The following TSPAN9 variants were observed in gnomAD, a reference collection of about 807,000 sequenced individuals.
The protein encoded by TSPAN9 is tetraspanin 9.
Under a neutral mutation model 31.0 loss-of-function variants are expected in TSPAN9, and 16 were observed. The ratio of observed to expected loss-of-function variants is 0.52; its 90% CI spans 0.35 to 0.78. TSPAN9 has a LOEUF of 0.78. Ranked by LOEUF, TSPAN9 falls within the 30% of genes least tolerant of loss-of-function variation. The pLI is 0.01. For missense variants in TSPAN9, 272 were observed against 312.5 expected (o/e 0.87, Z 0.98); for synonymous variants, 145 against 121.6 (o/e 1.19, Z -1.27).
chr12:3,259,905 A>T (rs1193678447), intron 3 of TSPAN9, among the ~76,000 whole-genome samples: 4 of 152,258 alleles, frequency 2.6e-5, no homozygotes, highest in Non-Finnish European at 5.9e-5. Flanking sequence ...GGGAAAACAG[A>T]AAATGATAGC....
chr12:3,269,553 T>C (rs1407247096), intron 3 of TSPAN9, among the ~76,000 whole-genome samples: 93 of 119,716 alleles, frequency 7.8e-4, no homozygotes, highest in African/African-American at 1.1e-3. Flanking sequence ...GCCTGCCCTC[T>C]CTGTGTTCCT....
chr12:3,219,667 G>T (rs1372943866), intron 3 of TSPAN9, among the ~76,000 whole-genome samples: 1 of 152,080 alleles, frequency 6.6e-6, no homozygotes, highest in Non-Finnish European at 1.5e-5. Flanking sequence ...CTTAAAAAGG[G>T]AATGATAGGG....
At chr12:3,278,369 A>G (rs1862830089) in intron 3 of TSPAN9, 52 bp from the exon 4 acceptor site, 2 of 1,600,612 alleles carry the variant, frequency 1.2e-6, no homozygotes, top group Admixed American at 1.7e-5. Context: ...TCCCAGGTCC[A>G]TGGACGAATG....
chr12:3,258,883 C>T (rs1862399199), intron 3 of TSPAN9, among the ~76,000 whole-genome samples: 1 of 152,100 alleles, frequency 6.6e-6, no homozygotes, highest in Non-Finnish European at 1.5e-5. Flanking sequence ...ACTACATTGC[C>T]CCCCACTGTC....
At chr12:3,160,573 G>A (rs1271573227) in intron 2 of TSPAN9, among the ~76,000 whole-genome samples, 1 of 152,092 alleles carries the variant, frequency 6.6e-6, no homozygotes, top group African/African-American at 2.4e-5. Flanking sequence ...ATTCCAATTG[G>A]GAATTAGACT....
chr12:3,095,347 G>A (rs1417543520), intron 2 of TSPAN9, among the ~76,000 whole-genome samples: 7 of 150,132 alleles, frequency 4.7e-5, no homozygotes, highest in African/African-American at 1.2e-4. Context: ...CCACAAAACC[G>A]CCATTGTCAT....
rs201496490 is a variant in TSPAN9, at chr12:3,280,353, C to T, written c.331-29C>T. 169 of 1,603,748 alleles carry T rather than the reference C, an allele frequency of 1.1e-4. No homozygotes were observed. In the East Asian group the frequency reaches 3.1e-3, roughly 29 times the overall value. On this transcript the variant is annotated intron_variant, in intron 5 of 8. Transcript: ENST00000011898. The surrounding 1 kb of genome is among the most constrained non-coding windows in gnomAD (Gnocchi z 4.5). Reference sequence around the variant, plus strand: ...GAGACGAGCTGCGTCCTGGTTCCAACCGTCTCACTGTGTCCCTCCGCCTGG... The same window carrying T: ...GAGACGAGCTGCGTCCTGGTTCCAATCGTCTCACTGTGTCCCTCCGCCTGG...
rs1349579249 is a variant in TSPAN9, at chr12:3,281,834, C to T, written c.648+17C>T. The T allele has an allele frequency of 1.9e-6, 3 of 1,613,206 alleles. No homozygotes were observed. The highest frequency in any genetic ancestry group is 1.3e-5 in the African/African-American group (1 of 74,938). On this transcript the variant is annotated intron_variant, in intron 8 of 8. Transcript: ENST00000011898. ...ATCATGCAGGTAAGAGGGGCGTCCC[C>T]AGCAGCCTCACCCACCCTGCTGGCC...
Position 3,246,205 on chromosome 12 carries a change from A to G in TSPAN9, c.64-32216A>G, listed in dbSNP as rs562003337. Among the ~76,000 whole-genome samples the G allele has an allele frequency of 3.0e-3, 458 of 151,896 alleles. 2 individuals carry two copies. The highest frequency in any genetic ancestry group is 0.01 in the Middle Eastern group (3 of 294). ...ATTGCGGGGCGGGGGGTGGTGCCAC[A>G]CACTTTCAAACGACCCAGTCTTGTG... is the stretch of plus-strand genomic sequence containing the variant. On this transcript the variant is annotated intron_variant, in intron 3 of 8. Coordinates refer to ENST00000011898, the MANE Select transcript of TSPAN9 (RefSeq NM_006675.5).
At chr12:3,128,590 C>G (rs930599817) in intron 2 of TSPAN9, among the ~76,000 whole-genome samples, 72 of 152,230 alleles carry the variant, frequency 4.7e-4, no homozygotes, top group African/African-American at 1.7e-3. Context: ...CCACGAAAGG[C>G]TGAATTACCC....
At chr12:3,236,563 G>A (rs2098393841) in intron 3 of TSPAN9, among the ~76,000 whole-genome samples, 3 of 152,146 alleles carry the variant, frequency 2.0e-5, no homozygotes. Context: ...TGTAAAGAAC[G>A]CCCGGCATGC....
At position 3,176,063 on chromosome 12, in the gene TSPAN9, G is replaced by C. The variant is rs180903961; in HGVS notation, c.-17-25114G>C. 1.3e-3 allele frequency among the ~76,000 whole-genome samples: 192 copies of C among 152,328 alleles called. 1 individual carries two copies. Among genetic ancestry groups the C allele is most frequent in the East Asian group, 7.3e-3 (38 of 5,186 alleles). ...ATTCGTCCCAGCCCTCACCTCTGTG[G>C]GTGCTCCCTACCTGAAGTGGCTCTC... On this transcript the variant is annotated intron_variant, in intron 2 of 8. Transcript: ENST00000011898.
chr12:3,209,234 CAAAAA>C (rs10580349), intron 3 of TSPAN9, among the ~76,000 whole-genome samples: 3 of 139,628 alleles, frequency 2.1e-5, no homozygotes, highest in Admixed American at 7.1e-5. Context: ...GACTCCATCT[CAAAAA>C]AAAAAAAAAA....
At chr12:3,120,583 C>T (rs1192627371) in intron 2 of TSPAN9, among the ~76,000 whole-genome samples, 1 of 152,270 alleles carries the variant, frequency 6.6e-6, no homozygotes, top group Non-Finnish European at 1.5e-5. Flanking sequence ...CTCCTCATCT[C>T]TCTACCTATT....
intron 3 of TSPAN9, among the ~76,000 whole-genome samples, chr12:3,232,715 C>T (rs1398576256): frequency 6.6e-6 from 1 of 152,188 alleles, no homozygotes; most frequent in Non-Finnish European, 1.5e-5. Flanking sequence ...CCCTCCCTGT[C>T]CTTGGAGTGG....
chr12:3,282,184 C>A (rs747632916), intron 8 of TSPAN9: 6 of 597,298 alleles, frequency 1.0e-5, no homozygotes, highest in African/African-American at 1.9e-5. Context: ...ATGGCACACT[C>A]TCTGTGGTGA....
intron 2 of TSPAN9, among the ~76,000 whole-genome samples, chr12:3,189,379 G>A (rs539572476): frequency 7.9e-4 from 121 of 152,322 alleles, no homozygotes; most frequent in South Asian, 2.5e-3. Context: ...TTGAGTATTT[G>A]TGTTTAAATC....
rs1024640625 is a variant in TSPAN9 at position 3,137,677 on chromosome 12, G to T, written c.-18+53958G>T. Among the ~76,000 whole-genome samples the T allele has an allele frequency of 2.0e-4, 31 of 152,124 alleles. 1 individual carries two copies. Among genetic ancestry groups the T allele is most frequent in the Admixed American group, 2.0e-4 (3 of 15,280 alleles). ...CTGCTCCAGCTGCGTCCTCCCTGTTGTGCTCCTGGCAGTAGGTTTGCTGAG... is the reference window on the plus strand; with the variant it reads ...CTGCTCCAGCTGCGTCCTCCCTGTTTTGCTCCTGGCAGTAGGTTTGCTGAG... On this transcript the variant is annotated intron_variant, in intron 2 of 8. Coordinates refer to ENST00000011898, the MANE Select transcript of TSPAN9 (RefSeq NM_006675.5).
intron 2 of TSPAN9, among the ~76,000 whole-genome samples, chr12:3,198,144 TCAC>T (rs2098368308): frequency 1.8e-4 from 5 of 27,360 alleles, no homozygotes; most frequent in Admixed American, 5.0e-4. Flanking sequence ...CCAGCACAGG[TCAC>T]CACCAGCACA....
Sources: gnomAD v4.1 joint callset for allele counts (sites outside exome capture counted in the v4.1 genomes callset) on GRCh38, gnomAD v4.1.1 for gene constraint, Gnocchi (gnomAD v3.1) non-coding constraint, MANE v1.5 for transcripts, NCBI Gene and HGNC (gene_info 2026-07-23, HGNC 2026-07-21) for gene names.